Variants in GAS7 observed in about 807,000 individuals in gnomAD.
GAS7 encodes the protein growth arrest specific 7.
Under a neutral mutation model 71.1 loss-of-function variants are expected in GAS7, and 28 were observed. That is an observed-to-expected ratio of 0.39 (90% CI 0.29 to 0.54). The LOEUF is 0.54. GAS7 is among the 20% of genes least tolerant of loss of function. The pLI is 0.62. For missense variants in GAS7, 436 were observed against 627.8 expected, an observed-to-expected ratio of 0.69 and a Z score of 3.27; for synonymous variants, 258 against 245.8, an observed-to-expected ratio of 1.05 and a Z score of -0.46.
chr17:10,149,189 A>G (rs2074145307), intron 1 of GAS7, among the ~76,000 whole-genome samples: 1 of 152,008 alleles, frequency 6.6e-6, no homozygotes, highest in South Asian at 2.1e-4. Context: ...TTCAACCTTC[A>G]TCTCCTGGGT....
chr17:10,097,066 G>T (rs2073648049), intron 1 of GAS7, among the ~76,000 whole-genome samples: 1 of 152,190 alleles, frequency 6.6e-6, no homozygotes, highest in Non-Finnish European at 1.5e-5. Flanking sequence ...GCATTCCTCT[G>T]ATGTCTCTGT....
chr17:10,082,793 G>A lies in GAS7; in HGVS notation c.184-62896C>T, dbSNP rs79696167. On this transcript the variant is annotated intron_variant, in intron 1 of 13. Coordinates refer to ENST00000432992, the MANE Select transcript of GAS7 (RefSeq NM_201433.2). ...CAAATTGCAGTAAATTCAACTAATGGAATTCTCATTAGCAATAAAAAGGGG... is the reference window on the plus strand; with the variant it reads ...CAAATTGCAGTAAATTCAACTAATGAAATTCTCATTAGCAATAAAAAGGGG... 7.2e-3 allele frequency among the ~76,000 whole-genome samples: 1,090 copies of A among 152,250 alleles called. 7 individuals are homozygous for A. The highest frequency in any genetic ancestry group is 0.01 in the Non-Finnish European group (703 of 68,022).
intron 1 of GAS7, among the ~76,000 whole-genome samples, chr17:10,157,691 A>AGGTTTGTCATATTCATG (rs2074215500): frequency 6.6e-6 from 1 of 152,180 alleles, no homozygotes; most frequent in Non-Finnish European, 1.5e-5. Flanking sequence ...GGTTTGTCAC[A>AGGTTTGTCATATTCATG]TGAATATACC....
chr17:10,095,094 A>T (rs1310426338), intron 1 of GAS7, among the ~76,000 whole-genome samples: 1 of 152,178 alleles, frequency 6.6e-6, no homozygotes, highest in African/African-American at 2.4e-5. Flanking sequence ...TCCTGTGCCT[A>T]GGTTTCCTCA....
chr17:9,961,750 C>T (rs1416909597), intron 4 of GAS7, among the ~76,000 whole-genome samples: 1 of 152,200 alleles, frequency 6.6e-6, no homozygotes, highest in East Asian at 1.9e-4. Flanking sequence ...CTCCATTTTG[C>T]AGATCATGAA....
At chr17:9,927,310 C>T (rs984309767) in intron 9 of GAS7, among the ~76,000 whole-genome samples, 15 of 149,192 alleles carry the variant, frequency 1.0e-4, no homozygotes, top group African/African-American at 3.5e-4. Flanking sequence ...CACACACACA[C>T]ACACACACAC....
intron 1 of GAS7, among the ~76,000 whole-genome samples, chr17:10,197,410 C>CA (rs397744000): frequency 2.0e-5 from 3 of 147,928 alleles, no homozygotes; most frequent in Non-Finnish European, 3.0e-5. Flanking sequence ...GTCACCCCCC[C>CA]ACACACAAAG....
intron 1 of GAS7, among the ~76,000 whole-genome samples, chr17:10,125,296 T>C (rs2142080527): frequency 6.6e-6 from 1 of 152,232 alleles, no homozygotes; most frequent in South Asian, 2.1e-4. Flanking sequence ...GGCAGATGGC[T>C]TACTGGAGGT....
intron 1 of GAS7, among the ~76,000 whole-genome samples, chr17:10,127,205 C>T (rs2073958268): frequency 1.3e-5 from 2 of 152,314 alleles, no homozygotes; most frequent in Middle Eastern, 3.4e-3. Context: ...CGGCTCTGGA[C>T]AGTGAGTTAA....
chr17:10,070,835 CAG>C (rs2073332953), intron 1 of GAS7, among the ~76,000 whole-genome samples: 2 of 151,910 alleles, frequency 1.3e-5, no homozygotes, highest in Admixed American at 1.3e-4. Flanking sequence ...ACCTATGGGA[CAG>C]AGGTTGGGGT....
rs951215578 is a variant in GAS7, at chr17:10,026,253, T to C, written c.184-6356A>G. The stretch of plus-strand genomic sequence containing the variant: ...CAGACGGTTTTAAGGTCTCCCACTC[T>C]GCATCCTCTCACACCCCAAACCCAG... On this transcript the variant is annotated intron_variant, in intron 1 of 13. Transcript: ENST00000432992. The surrounding 1 kb of genome is among the most constrained non-coding windows in gnomAD (Gnocchi z 4.5). The C allele has an allele frequency of 1.0e-6, 1 of 985,342 alleles. No homozygotes were observed. Among genetic ancestry groups the C allele is most frequent in the African/African-American group, 1.7e-5 (1 of 57,334 alleles). The allele number at this position is 985,342 out of a possible 1,614,324, so 61.0% of individuals were successfully genotyped here.
chr17:10,159,549 C>A (rs569632708), intron 1 of GAS7, among the ~76,000 whole-genome samples: 120 of 151,932 alleles, frequency 7.9e-4, no homozygotes, highest in Non-Finnish European at 1.1e-3. Context: ...TGCACCCCCC[C>A]CAACCTCCAT....
chr17:10,045,037 T>C lies in GAS7; in HGVS notation c.184-25140A>G, dbSNP rs572518704. 7.7e-4 allele frequency among the ~76,000 whole-genome samples: 78 copies of C among 101,220 alleles called. 2 individuals are homozygous for C. In the South Asian group the frequency reaches 0.021, roughly 27 times the overall value. The allele number at this position is 101,220 out of a possible 152,430, so 66.4% of individuals were successfully genotyped here. ...GCCCGGGCGACAGAGCGAGACTCCA[T>C]CTCAAAAAAAAAAAAAAAAAAAAGT... On this transcript the variant is annotated intron_variant, in intron 1 of 13. Coordinates refer to ENST00000432992, the MANE Select transcript of GAS7 (RefSeq NM_201433.2).
At chr17:10,054,698 T>C (rs981065512) in intron 1 of GAS7, among the ~76,000 whole-genome samples, 2 of 152,140 alleles carry the variant, frequency 1.3e-5, no homozygotes, top group Admixed American at 6.5e-5. Flanking sequence ...AAAGTACCAA[T>C]CAGCACGTCT....
At chr17:10,192,618 G>A (rs967351571) in intron 1 of GAS7, among the ~76,000 whole-genome samples, 7 of 152,112 alleles carry the variant, frequency 4.6e-5, no homozygotes, top group African/African-American at 7.2e-5. Flanking sequence ...AGGGATTCCC[G>A]CCGACTTGTT....
intron 1 of GAS7, among the ~76,000 whole-genome samples, chr17:10,046,774 A>G (rs1431486368): frequency 9.1e-6 from 1 of 109,896 alleles, no homozygotes; most frequent in African/African-American, 4.9e-5. Flanking sequence ...AAAGAAGAGA[A>G]AGAAAGAAAG....
intron 1 of GAS7, among the ~76,000 whole-genome samples, chr17:10,022,222 C>G (rs1324825102): frequency 6.6e-6 from 1 of 152,140 alleles, no homozygotes; most frequent in East Asian, 1.9e-4. Context: ...CCACTGCACT[C>G]CAGCCTGGGT....
chr17:10,089,715 T>A (rs1014834705), intron 1 of GAS7, among the ~76,000 whole-genome samples: 6 of 75,178 alleles, frequency 8.0e-5, no homozygotes, highest in African/African-American at 3.1e-4. Context: ...GGGAGAAAGG[T>A]AAGGAGGAGA....
chr17:10,097,967 C>A (rs2073659465), intron 1 of GAS7, among the ~76,000 whole-genome samples: 1 of 151,828 alleles, frequency 6.6e-6, no homozygotes, highest in Non-Finnish European at 1.5e-5. Context: ...TCACTTGAAC[C>A]CAGGAGGCAG....
Sources: allele counts gnomAD v4.1 joint callset (sites outside exome capture counted in the v4.1 genomes callset), GRCh38; gene constraint gnomAD v4.1.1; non-coding constraint Gnocchi (gnomAD v3.1); transcripts MANE v1.5; gene names NCBI Gene and HGNC (gene_info 2026-07-23, HGNC 2026-07-21).